The following VWC2 variants were observed in gnomAD, a reference collection of about 807,000 sequenced individuals.
The protein encoded by VWC2 is brorin.
VWC2 carries 14 observed loss-of-function variants against 29.8 expected under a neutral mutation model. The ratio of observed to expected loss-of-function variants is 0.47; its 90% confidence interval spans 0.31 to 0.74. VWC2 has a LOEUF of 0.74. Ranked by LOEUF, VWC2 falls within the 30% of genes least tolerant of loss-of-function variation. The pLI is 0.05. For synonymous variants in VWC2, 213 were observed against 199.0 expected (o/e 1.07, Z -0.59); for missense variants, 457 against 459.8 (o/e 0.99, Z 0.05).
intron 3 of VWC2, among the ~76,000 whole-genome samples, chr7:49,843,863 T>C (rs1475758705): frequency 6.6e-6 from 1 of 151,936 alleles, no homozygotes; most frequent in Non-Finnish European, 1.5e-5. Flanking sequence ...AGAGGATGAA[T>C]GGAAAAAAGA....
intron 3 of VWC2, among the ~76,000 whole-genome samples, chr7:49,816,340 A>G (rs1265904097): frequency 1.3e-5 from 2 of 152,220 alleles, no homozygotes; most frequent in African/African-American, 4.8e-5. Flanking sequence ...AGGCTATTGC[A>G]GTGATCCAGA....
intron 3 of VWC2, among the ~76,000 whole-genome samples, chr7:49,888,295 G>A (rs1791982615): frequency 6.6e-6 from 1 of 152,130 alleles, no homozygotes; most frequent in Non-Finnish European, 1.5e-5. Flanking sequence ...TTTGTTCACA[G>A]TAACTTGGTA....
intron 3 of VWC2, among the ~76,000 whole-genome samples, chr7:49,841,110 A>G (rs1789783041): frequency 6.6e-6 from 1 of 152,228 alleles, no homozygotes; most frequent in Admixed American, 6.5e-5. Flanking sequence ...ATTATGAGAC[A>G]TAATGCATAC....
chr7:49,883,912 T>A (rs1791785754), intron 3 of VWC2, among the ~76,000 whole-genome samples: 1 of 152,216 alleles, frequency 6.6e-6, no homozygotes, highest in Non-Finnish European at 1.5e-5. Flanking sequence ...GGCTTCGGAT[T>A]GTCTTCTGCT....
chr7:49,808,247 C>A (rs1037389651), intron 3 of VWC2, among the ~76,000 whole-genome samples: 2 of 152,008 alleles, frequency 1.3e-5, no homozygotes, highest in Admixed American at 1.3e-4. Flanking sequence ...TTAAACATGG[C>A]ACATGAAAGA....
intron 2 of VWC2, among the ~76,000 whole-genome samples, chr7:49,787,750 G>A (rs572647606): frequency 6.6e-6 from 1 of 152,330 alleles, no homozygotes; most frequent in African/African-American, 2.4e-5. Flanking sequence ...AGAAGCAGGA[G>A]AGAGACAGGC....
intron 2 of VWC2, among the ~76,000 whole-genome samples, chr7:49,789,085 T>C (rs908721124): frequency 7.0e-6 from 1 of 143,468 alleles, no homozygotes; most frequent in Non-Finnish European, 1.5e-5. Flanking sequence ...TGTGAGAGTG[T>C]AGGTTTGGGT....
At chr7:49,809,835 A>G (rs189164986) in intron 3 of VWC2, among the ~76,000 whole-genome samples, 1 of 152,164 alleles carries the variant, frequency 6.6e-6, no homozygotes, top group East Asian at 1.9e-4. Flanking sequence ...TTTATGATTG[A>G]AGCTTTCAAC....
In VWC2 at chr7:49,913,888, C is replaced by T. The variant is rs1172908280; in HGVS notation, c.*1703C>T. ...TTAGTAAGTATAAAGATGCCACTGA[C>T]TGAGTCATCAAAACACTACATATAG... On this transcript the variant is annotated 3_prime_UTR_variant, in exon 4 of 4. Transcript: ENST00000340652. 3 of 152,172 alleles carry T rather than the reference C, an allele frequency of 2.0e-5. No individual in the cohort carries two copies. The South Asian group carries it at 6.2e-4, about 32-fold the overall frequency. 9.4% of individuals were successfully genotyped at this position (152,172 alleles called of 1,614,324 possible).
intron 3 of VWC2, among the ~76,000 whole-genome samples, chr7:49,888,032 C>A (rs1011071713): frequency 2.0e-5 from 3 of 152,228 alleles, no homozygotes; most frequent in African/African-American, 7.2e-5. Flanking sequence ...TTGCTAGAGG[C>A]AGGCTCATAC....
chr7:49,895,044 A>G (rs1792316142), intron 3 of VWC2, among the ~76,000 whole-genome samples: 1 of 152,216 alleles, frequency 6.6e-6, no homozygotes, highest in African/African-American at 2.4e-5. Flanking sequence ...TGCTACTATA[A>G]CAAAATACCA....
chr7:49,808,061 C>T (rs571084842), intron 3 of VWC2, among the ~76,000 whole-genome samples: 2 of 151,832 alleles, frequency 1.3e-5, no homozygotes, highest in East Asian at 1.9e-4. Context: ...TGTAACATTG[C>T]GTTTCCATGA....
chr7:49,897,240 C>T (rs1389383593), intron 3 of VWC2, among the ~76,000 whole-genome samples: 1 of 152,140 alleles, frequency 6.6e-6, no homozygotes, highest in Non-Finnish European at 1.5e-5. Flanking sequence ...TAATACCAAA[C>T]ATTGAAAGAA....
chr7:49,810,022 G>T (rs1020224102), intron 3 of VWC2, among the ~76,000 whole-genome samples: 3 of 151,940 alleles, frequency 2.0e-5, no homozygotes, highest in African/African-American at 4.8e-5. Context: ...CAGAGAGAAA[G>T]AGAAGGCAGG....
intron 2 of VWC2, among the ~76,000 whole-genome samples, chr7:49,784,445 G>A (rs1296396398): frequency 6.6e-6 from 1 of 152,254 alleles, no homozygotes; most frequent in East Asian, 1.9e-4. Context: ...CTGTCTGGGA[G>A]CATCTCTTGA....
At position 49,775,692 on chromosome 7, in the gene VWC2, G is replaced by A. The variant is rs1788035878; in HGVS notation, c.257G>A (p.Gly86Asp). The change falls in exon 2 of 4, where the codon GGC becomes GAC. Residue 86 changes from glycine (G) to aspartate (D), a missense_variant. By Grantham distance (94) the Gly-to-Asp change is moderately conservative. Transcript: ENST00000340652. ...WKSKSGRGLAGREPWSKLKQA... is the reference protein window; with the variant it reads ...WKSKSGRGLADREPWSKLKQA... ...AGCAAGAGCGGCCGTGGGCTCGCCG[G>A]CCGTGAGCCGTGGAGCAAGCTGAAG... 2 of 1,523,760 alleles carry A rather than the reference G, an allele frequency of 1.3e-6. No homozygotes were observed. Among genetic ancestry groups the A allele is most frequent in the Admixed American group, 2.0e-5 (1 of 49,046 alleles). 94.4% of individuals were successfully genotyped at this position (1,523,760 alleles called of 1,614,324 possible). A position where few individuals can be genotyped will look rare whatever the true frequency, so the allele number is the denominator to read the frequency against.
At chr7:49,833,244 G>A (rs1789576762) in intron 3 of VWC2, among the ~76,000 whole-genome samples, 1 of 152,164 alleles carries the variant, frequency 6.6e-6, no homozygotes, top group East Asian at 1.9e-4. Context: ...GCAGAGTTCA[G>A]TTTTGTCTGT....
chr7:49,780,627 A>G (rs1481891220), intron 2 of VWC2, among the ~76,000 whole-genome samples: 1 of 152,216 alleles, frequency 6.6e-6, no homozygotes, highest in East Asian at 1.9e-4. Flanking sequence ...GGTAGGATTG[A>G]TATCAGCAAA....
chr7:49,822,659 G>A (rs746185212), intron 3 of VWC2, among the ~76,000 whole-genome samples: 8 of 152,148 alleles, frequency 5.3e-5, no homozygotes, highest in Non-Finnish European at 7.3e-5. Context: ...GGCTGGTCTC[G>A]AACTCCTGGC....
Sources: gnomAD v4.1 joint callset for allele counts (sites outside exome capture counted in the v4.1 genomes callset) on GRCh38, gnomAD v4.1.1 for gene constraint, MANE v1.5 for transcripts, NCBI Gene and HGNC (gene_info 2026-07-23, HGNC 2026-07-21) for gene names.